The following GRID2IP variants were observed in gnomAD, a reference collection of about 807,000 sequenced individuals.
The protein encoded by GRID2IP is Grid2 interacting protein, also known as delphilin.
GRID2IP carries 78 observed loss-of-function variants against 114.3 expected under a neutral mutation model. That is an observed-to-expected ratio of 0.68 (90% CI 0.57 to 0.82). The LOEUF (loss-of-function observed/expected upper bound fraction) is 0.82. Ranked by LOEUF, GRID2IP falls within the 40% of genes least tolerant of loss-of-function variation. The probability of loss-of-function intolerance (pLI) is 0.00; values close to 1 mark genes in which losing one functional copy is unlikely to be tolerated. For missense variants in GRID2IP, 1,727 were observed against 1,678.5 expected (o/e 1.03, Z -0.51); for synonymous variants, 809 against 724.0 (o/e 1.12, Z -1.89).
rs529476832 is a variant in GRID2IP, at chr7:6,530,994, G to A, written c.585-4225C>T. 1,533 of 624,230 alleles carry A rather than the reference G, an allele frequency of 2.5e-3. 11 individuals carry two copies. The highest frequency in any genetic ancestry group is 7.8e-3 in the South Asian group (453 of 58,162). The allele number at this position is 624,230 out of a possible 1,614,324, so 38.7% of individuals were successfully genotyped here. The stretch of plus-strand genomic sequence containing the variant: ...CACGCTCCAGCCCCACCCGCTTTCA[G>A]ACCAGCCCGAGGCGGATCCGTGGCG... On this transcript the variant is annotated intron_variant, in intron 2 of 21. Coordinates refer to ENST00000457091, the MANE Select transcript of GRID2IP (RefSeq NM_001145118.2).
intron 4 of GRID2IP, among the ~76,000 whole-genome samples, chr7:6,525,044 C>T (rs919795782): frequency 1.3e-5 from 2 of 152,070 alleles, no homozygotes; most frequent in African/African-American, 2.4e-5. Context: ...GGTGCTCTTG[C>T]CTGTAATTCC....
rs1208450485 is a variant in GRID2IP, at chr7:6,528,990, C to T, written c.585-2221G>A. 6.6e-6 allele frequency among the ~76,000 whole-genome samples: 1 copy of T among 152,142 alleles called. No homozygotes were observed. The highest frequency in any genetic ancestry group is 2.4e-5 in the African/African-American group (1 of 41,416). On this transcript the variant is annotated intron_variant, in intron 2 of 21. Coordinates refer to ENST00000457091, the MANE Select transcript of GRID2IP (RefSeq NM_001145118.2). The surrounding 1 kb of genome is among the most constrained non-coding windows in gnomAD (Gnocchi z 6.0). ...CCCTAGCGCCTCCCAGACCTCAAGCCTCATGTCCAGGCAAAGGAGAGAAGA... is the reference window on the plus strand; with the variant it reads ...CCCTAGCGCCTCCCAGACCTCAAGCTTCATGTCCAGGCAAAGGAGAGAAGA...
Position 6,534,359 on chromosome 7 carries a change from G to A in GRID2IP, c.584+5359C>T, listed in dbSNP as rs1779688250. 6.6e-6 allele frequency among the ~76,000 whole-genome samples: 1 copy of A among 152,140 alleles called. No individual in the cohort carries two copies. The highest frequency in any genetic ancestry group is 2.4e-5 in the African/African-American group (1 of 41,418). On this transcript the variant is annotated intron_variant, in intron 2 of 21. Coordinates refer to ENST00000457091, the MANE Select transcript of GRID2IP (RefSeq NM_001145118.2). The surrounding 1 kb of genome is among the most constrained non-coding windows in gnomAD (Gnocchi z 4.5). ...TGCTTTCCTGTTCCCTCCTGGCCAC[G>A]TCACACTTTCCAAACTGCCTGGCCT...
intron 1 of GRID2IP, among the ~76,000 whole-genome samples, chr7:6,542,215 G>A (rs927602590): frequency 7.0e-6 from 1 of 142,052 alleles, no homozygotes; most frequent in Non-Finnish European, 1.5e-5. Flanking sequence ...TGAGGCAGGA[G>A]AATCGCTTGA....
chr7:6,526,842 C>A lies in GRID2IP; in HGVS notation c.585-73G>T. On this transcript the variant is annotated intron_variant, in intron 2 of 21. Coordinates refer to ENST00000457091, the MANE Select transcript of GRID2IP (RefSeq NM_001145118.2). This position sits in a 1 kb window ranked among gnomAD's most constrained non-coding sequence, Gnocchi z 7.6. ...CTCTGCAAACCGCGGCCCGAAGGCGCGTCCTCGCGGGCGCCGCCCTAGGCT... is the reference window on the plus strand; with the variant it reads ...CTCTGCAAACCGCGGCCCGAAGGCGAGTCCTCGCGGGCGCCGCCCTAGGCT... 7.2e-7 allele frequency: 1 copy of A among 1,386,980 alleles called. No individual in the cohort carries two copies. The highest frequency in any genetic ancestry group is 9.3e-7 in the Non-Finnish European group (1 of 1,069,576). The allele number at this position is 1,386,980 out of a possible 1,614,324, so 85.9% of individuals were successfully genotyped here. A position where few individuals can be genotyped will look rare whatever the true frequency, so the allele number is the denominator to read the frequency against.
At chr7:6,499,522 C>CT (rs1238611917) in intron 20 of GRID2IP, among the ~76,000 whole-genome samples, 1 of 152,196 alleles carries the variant, frequency 6.6e-6, no homozygotes, top group African/African-American at 2.4e-5. Flanking sequence ...TCTCCGCCTC[C>CT]TGGGTCCAAG....
intron 4 of GRID2IP, among the ~76,000 whole-genome samples, chr7:6,524,346 A>G (rs1779466129): frequency 6.6e-6 from 1 of 152,226 alleles, no homozygotes; most frequent in Non-Finnish European, 1.5e-5. Context: ...AACCAGGAGC[A>G]TTACACTTAG....
chr7:6,506,593 A>C lies in GRID2IP; in HGVS notation c.2545-686T>G, dbSNP rs909380687. 6.6e-5 allele frequency among the ~76,000 whole-genome samples: 10 copies of C among 152,074 alleles called. No individual in the cohort carries two copies. Among genetic ancestry groups the C allele is most frequent in the African/African-American group, 9.7e-5 (4 of 41,400 alleles). The stretch of plus-strand genomic sequence containing the variant: ...CAATGGAAGAACCACGCTGTGGAGC[A>C]ATACTTGAAGATCGGTCCAAGGCTG... On this transcript the variant is annotated intron_variant, in intron 13 of 21. Coordinates refer to ENST00000457091, the MANE Select transcript of GRID2IP (RefSeq NM_001145118.2). This position sits in a 1 kb window ranked among gnomAD's most constrained non-coding sequence, Gnocchi z 5.2.
At position 6,497,810 on chromosome 7, in the gene GRID2IP, C is replaced by G. The variant is rs1396113260; in HGVS notation, c.3600G>C (p.Leu1200=). ...ALSDLQAGEG[L]RSSGMVSPLA... ...GGGGTGAAACCATCCCGGAGCTGCG[C>G]AGGCCCTCCCCGGCCTGCAGGTCAC... The change falls in exon 22 of 22, where the codon CTG becomes CTC. Residue 1200 remains leucine (L), a synonymous_variant. Coordinates refer to ENST00000457091, the MANE Select transcript of GRID2IP (RefSeq NM_001145118.2). The G allele has an allele frequency of 1.3e-6, 2 of 1,550,338 alleles. No individual in the cohort carries two copies. The highest frequency in any genetic ancestry group is 1.7e-4 in the Middle Eastern group (1 of 5,990).
chr7:6,511,226 A>AGCAGCACCAGAGT (rs1779149128), intron 8 of GRID2IP, among the ~76,000 whole-genome samples, 187 bp from the exon 9 acceptor site: 1 of 152,166 alleles, frequency 6.6e-6, no homozygotes, highest in Admixed American at 6.5e-5. Context: ...AGGTGCCAGG[A>AGCAGCACCAGAGT]GCAGCACCAG....
intron 1 of GRID2IP, among the ~76,000 whole-genome samples, chr7:6,540,900 G>C (rs1376239452): frequency 6.6e-6 from 1 of 151,884 alleles, no homozygotes; most frequent in East Asian, 1.9e-4. Flanking sequence ...GCAGTGGTGT[G>C]ATTATAACTT....
intron 1 of GRID2IP, among the ~76,000 whole-genome samples, chr7:6,546,438 A>T (rs1282762721): frequency 1.3e-5 from 2 of 151,442 alleles, no homozygotes; most frequent in African/African-American, 2.4e-5. Flanking sequence ...GCGTGGTGGT[A>T]CATGCCTGTA....
At position 6,532,195 on chromosome 7, in the gene GRID2IP, G is replaced by A. The variant is rs575131109; in HGVS notation, c.585-5426C>T. ...AGGAGTCCCGACTGCCTCTGGAGAG[G>A]CCCAGAATCAGGCCTGAGGAACAAA... On this transcript the variant is annotated intron_variant, in intron 2 of 21. Coordinates refer to ENST00000457091, the MANE Select transcript of GRID2IP (RefSeq NM_001145118.2). The surrounding 1 kb of genome is among the most constrained non-coding windows in gnomAD (Gnocchi z 4.4). Among the ~76,000 whole-genome samples the A allele has an allele frequency of 4.6e-5, 7 of 152,256 alleles. No individual in the cohort carries two copies. The South Asian group carries it at 1.5e-3, about 32-fold the overall frequency.
intron 15 of GRID2IP, 97 bp from the exon 16 acceptor site, chr7:6,503,784 A>G (rs1182565086): frequency 1.1e-6 from 1 of 872,728 alleles, no homozygotes; most frequent in Non-Finnish European, 1.6e-6. Context: ...GAGAGGGCGG[A>G]CACGGGGCGG....
intron 2 of GRID2IP, among the ~76,000 whole-genome samples, chr7:6,537,370 C>CTTTTTTTTTTT: frequency 1.7e-5 from 1 of 58,356 alleles, no homozygotes. Context: ...ATGGTGAGAC[C>CTTTTTTTTTTT]TTTTTTTTTT....
intron 20 of GRID2IP, among the ~76,000 whole-genome samples, chr7:6,499,495 A>C (rs866973545): frequency 2.0e-5 from 3 of 152,248 alleles, no homozygotes; most frequent in Middle Eastern, 6.8e-3. Context: ...CAATGGCATG[A>C]TCTCGGCTTA....
At chr7:6,501,653 G>A (rs1786418409) in intron 20 of GRID2IP, 128 bp downstream of exon 20, 3 of 710,440 alleles carry the variant, frequency 4.2e-6, no homozygotes, top group South Asian at 1.5e-5. Flanking sequence ...ACCCCTGGGT[G>A]CACAGCAACC....
chr7:6,537,849 C>T (rs1375683865), intron 2 of GRID2IP, among the ~76,000 whole-genome samples: 2 of 151,948 alleles, frequency 1.3e-5, no homozygotes, highest in Admixed American at 1.3e-4. Flanking sequence ...GACTCCGATT[C>T]AAAAAAGCTT....
chr7:6,537,096 C>T (rs879643017), intron 2 of GRID2IP, among the ~76,000 whole-genome samples: 1 of 151,908 alleles, frequency 6.6e-6, no homozygotes, highest in African/African-American at 2.4e-5. Flanking sequence ...GGAAACCCGG[C>T]GGGATCCGGG....
Sources: allele counts gnomAD v4.1 joint callset (sites outside exome capture counted in the v4.1 genomes callset), GRCh38; gene constraint gnomAD v4.1.1; non-coding constraint Gnocchi (gnomAD v3.1); transcripts MANE v1.5; gene names NCBI Gene and HGNC (gene_info 2026-07-23, HGNC 2026-07-21).